The following STK24 variants were observed in gnomAD, a reference collection of about 807,000 sequenced individuals.
STK24 encodes the protein serine/threonine-protein kinase 24.
A neutral mutation model predicts 55.6 loss-of-function variants in STK24; 21 were observed. That is an observed-to-expected ratio of 0.38 (90% CI 0.27 to 0.54). The LOEUF (loss-of-function observed/expected upper bound fraction) is 0.54. Ranked by LOEUF, STK24 falls within the 20% of genes least tolerant of loss-of-function variation. The probability of loss-of-function intolerance (pLI) is 0.79; values close to 1 mark genes in which losing one functional copy is unlikely to be tolerated. For missense variants in STK24, 383 were observed against 538.4 expected (o/e 0.71, Z 2.86); for synonymous variants, 200 against 215.2 (o/e 0.93, Z 0.62).
intron 2 of STK24, among the ~76,000 whole-genome samples, chr13:98,503,196 G>C (rs749541587): frequency 6.6e-6 from 1 of 151,466 alleles, no homozygotes; most frequent in African/African-American, 2.4e-5. Context: ...ACACAACTCC[G>C]CACACTTGTA....
chr13:98,461,710 A>G, intron 8 of STK24, 64 bp downstream of exon 8: 1 of 1,592,824 alleles, frequency 6.3e-7, no homozygotes, highest in Non-Finnish European at 8.6e-7. Context: ...AGCTTCACAC[A>G]CAAGTGCCTC....
At chr13:98,518,019 T>G (rs1375242781) in intron 2 of STK24, among the ~76,000 whole-genome samples, 2 of 152,148 alleles carry the variant, frequency 1.3e-5, no homozygotes, top group East Asian at 3.8e-4. Context: ...GTGGAGAAGT[T>G]ATAAAAAATA....
intron 1 of STK24, among the ~76,000 whole-genome samples, chr13:98,546,562 T>C (rs1897033158): frequency 6.6e-6 from 1 of 152,226 alleles, no homozygotes; most frequent in African/African-American, 2.4e-5. Context: ...CCAGATGGGC[T>C]GCGTGTCCTT....
chr13:98,485,460 T>C (rs1472102341), intron 2 of STK24, among the ~76,000 whole-genome samples: 1 of 151,912 alleles, frequency 6.6e-6, no homozygotes, highest in Non-Finnish European at 1.5e-5. Context: ...GTGCAGGGCC[T>C]GCAAAATATC....
intron 9 of STK24, among the ~76,000 whole-genome samples, chr13:98,457,770 C>A (rs552704186): frequency 2.6e-5 from 4 of 152,150 alleles, no homozygotes; most frequent in Non-Finnish European, 5.9e-5. Flanking sequence ...GTGCCCGGCC[C>A]GGGTTCCTTT....
At chr13:98,524,802 C>A (rs1255868502) in intron 1 of STK24, among the ~76,000 whole-genome samples, 3 of 152,194 alleles carry the variant, frequency 2.0e-5, no homozygotes, top group Non-Finnish European at 2.9e-5. Flanking sequence ...TTTGCCTGGA[C>A]CAAGACGGCT....
At chr13:98,455,015 T>C (rs1448708564) in intron 10 of STK24, 1 of 152,236 alleles carries the variant, frequency 6.6e-6, no homozygotes, top group Non-Finnish European at 1.5e-5. Context: ...CCAGCCACGA[T>C]GCCCAGTGAG....
At chr13:98,540,526 T>C (rs142751169) in intron 1 of STK24, among the ~76,000 whole-genome samples, 1 of 152,174 alleles carries the variant, frequency 6.6e-6, no homozygotes, top group East Asian at 1.9e-4. Flanking sequence ...GCCCAGTGGA[T>C]GAAGGACTTT....
Position 98,454,972 on chromosome 13 carries a change from T to TAC in STK24, c.1260-1765_1260-1764dup, listed in dbSNP as rs569240846. The TAC allele has an allele frequency of 1.1e-4, 16 of 152,294 alleles. No homozygotes were observed. The East Asian group carries it at 3.1e-3, about 29-fold the overall frequency. The allele number at this position is 152,294 out of a possible 1,614,324, so 9.4% of individuals were successfully genotyped here. ...AAACACAACACAGACATCAGGTAGC[T>TAC]ACAGACCCGCCCGAGGGTAAATAGG... On this transcript the variant is annotated intron_variant, in intron 10 of 10. Coordinates refer to ENST00000539966, the MANE Select transcript of STK24 (RefSeq NM_001032296.4).
At chr13:98,519,888 A>C (rs1896199469) in intron 1 of STK24, among the ~76,000 whole-genome samples, 1 of 152,224 alleles carries the variant, frequency 6.6e-6, no homozygotes, top group Admixed American at 6.5e-5. Context: ...CTGAATTCAA[A>C]TGAATTTTTA....
At chr13:98,521,049 CCAGA>C (rs1266792443) in intron 1 of STK24, among the ~76,000 whole-genome samples, 2 of 152,174 alleles carry the variant, frequency 1.3e-5, no homozygotes, top group Non-Finnish European at 2.9e-5. Context: ...AGGCCAGAGG[CCAGA>C]CACTGAGTGC....
chr13:98,534,929 A>C (rs1387764459), intron 1 of STK24, among the ~76,000 whole-genome samples: 1 of 152,234 alleles, frequency 6.6e-6, no homozygotes, highest in Non-Finnish European at 1.5e-5. Context: ...CTCTTTGTCT[A>C]TTGCAATTCC....
chr13:98,563,825 A>G (rs188950841), intron 1 of STK24, among the ~76,000 whole-genome samples: 44 of 151,498 alleles, frequency 2.9e-4, no homozygotes, highest in African/African-American at 1.0e-3. Context: ...GCGCCACTGC[A>G]CTCCAGCCTG....
rs1566330833 is a variant in STK24, at chr13:98,448,162, G to A, written c.*5011C>T. 3.9e-6 allele frequency: 5 copies of A among 1,294,740 alleles called. No homozygotes were observed. Among genetic ancestry groups the A allele is most frequent in the Middle Eastern group, 2.4e-4 (1 of 4,180 alleles). 80.2% of individuals were successfully genotyped at this position (1,294,740 alleles called of 1,614,324 possible). On this transcript the variant is annotated 3_prime_UTR_variant, in exon 11 of 11. Coordinates refer to ENST00000539966, the MANE Select transcript of STK24 (RefSeq NM_001032296.4). ...CGGCCTGACTTCACCTTGTGTTTCTGTAAGCGATGCCCACCAAAGTGTCAG... is the reference window on the plus strand; with the variant it reads ...CGGCCTGACTTCACCTTGTGTTTCTATAAGCGATGCCCACCAAAGTGTCAG...
rs1434196375 is a variant in STK24 at position 98,445,887 on chromosome 13, G to A, written c.*7286C>T. ...TTTTGGGGGGACACAGGGACCCCAA[G>A]ATGCCCCACAGCAAGTGACAAGGGG... On this transcript the variant is annotated 3_prime_UTR_variant, in exon 11 of 11. Transcript: ENST00000539966. The A allele has an allele frequency of 7.6e-6, 4 of 523,006 alleles. No homozygotes were observed. The highest frequency in any genetic ancestry group is 1.4e-5 in the Non-Finnish European group (4 of 292,260). The allele number at this position is 523,006 out of a possible 1,614,324, so 32.4% of individuals were successfully genotyped here. A position where few individuals can be genotyped will look rare whatever the true frequency, so the allele number is the denominator to read the frequency against.
intron 1 of STK24, among the ~76,000 whole-genome samples, chr13:98,566,143 G>A (rs531373319): frequency 4.6e-5 from 7 of 151,690 alleles, no homozygotes; most frequent in African/African-American, 7.3e-5. Context: ...CCAGAAGCAC[G>A]CCAGGCTATG....
At chr13:98,478,721 A>T (rs185949297) in intron 3 of STK24, among the ~76,000 whole-genome samples, 4 of 152,184 alleles carry the variant, frequency 2.6e-5, no homozygotes, top group Non-Finnish European at 5.9e-5. Context: ...TCCGTCAAAC[A>T]TCTCTGCCTG....
At chr13:98,569,954 G>A (rs554495228) in intron 1 of STK24, among the ~76,000 whole-genome samples, 2 of 148,750 alleles carry the variant, frequency 1.3e-5, no homozygotes, top group Admixed American at 1.4e-4. Context: ...TCAGCTCACT[G>A]CAACCTCCGC....
intron 5 of STK24, among the ~76,000 whole-genome samples, chr13:98,470,821 G>T (rs1894116630): frequency 6.6e-6 from 1 of 152,176 alleles, no homozygotes; most frequent in Admixed American, 6.5e-5. Flanking sequence ...ATTATATAGA[G>T]AAAATAATTC....
Sources: allele counts gnomAD v4.1 joint callset (sites outside exome capture counted in the v4.1 genomes callset), GRCh38; gene constraint gnomAD v4.1.1; transcripts MANE v1.5; gene names NCBI Gene and HGNC (gene_info 2026-07-23, HGNC 2026-07-21).